IL19: variants seen among roughly 807,000 people sequenced by gnomAD.
IL19 encodes interleukin-19.
In IL19, 15 loss-of-function variants were observed where a neutral mutation model predicts 19.5. That is an observed-to-expected ratio of 0.77 (90% CI 0.52 to 1.19). The LOEUF (loss-of-function observed/expected upper bound fraction) is 1.19. Ranked by LOEUF, IL19 falls within the 50% of genes most tolerant of loss-of-function variation. IL19 has a pLI of 0.00. For missense variants in IL19, 199 were observed against 213.1 expected, an observed-to-expected ratio of 0.93 and a Z score of 0.41; for synonymous variants, 78 against 78.3, an observed-to-expected ratio of 1.00 and a Z score of 0.02.
intron 2 of IL19, among the ~76,000 whole-genome samples, chr1:206,808,099 G>A (rs1000255131): frequency 9.9e-5 from 15 of 152,238 alleles, no homozygotes; most frequent in Non-Finnish European, 2.2e-4. Flanking sequence ...GGGAGGCTGA[G>A]GCAGGCAGAT....
chr1:206,771,424 A>G, intron 1 of IL19: 1 of 1,601,582 alleles, frequency 6.2e-7, no homozygotes, highest in Admixed American at 1.7e-5. Context: ...TGCTGCAGGA[A>G]GAACAAAAGG....
At chr1:206,812,891 T>C (rs934095739) in intron 2 of IL19, among the ~76,000 whole-genome samples, 25 of 152,206 alleles carry the variant, frequency 1.6e-4, no homozygotes, top group African/African-American at 5.8e-4. Flanking sequence ...TGCAATTTGG[T>C]TTTTAGAAAA....
chr1:206,786,230 A>G (rs943876231), intron 1 of IL19, among the ~76,000 whole-genome samples: 1 of 152,242 alleles, frequency 6.6e-6, no homozygotes, highest in African/African-American at 2.4e-5. Context: ...CACGGTTTAT[A>G]GCAAGCACTC....
At chr1:206,797,001 C>A (rs1302132086) in intron 1 of IL19, among the ~76,000 whole-genome samples, 4 of 152,208 alleles carry the variant, frequency 2.6e-5, no homozygotes, top group Non-Finnish European at 4.4e-5. Flanking sequence ...AAAACCGGAT[C>A]ACAAAGCCTC....
intron 4 of IL19, among the ~76,000 whole-genome samples, chr1:206,838,775 C>T (rs1268568452): frequency 6.7e-6 from 1 of 148,840 alleles, no homozygotes; most frequent in Non-Finnish European, 1.5e-5. Context: ...CCTTCCCTTC[C>T]CTTCCCTTCC....
At chr1:206,808,133 C>A (rs1009770331) in intron 2 of IL19, among the ~76,000 whole-genome samples, 5 of 152,164 alleles carry the variant, frequency 3.3e-5, no homozygotes, top group Non-Finnish European at 7.4e-5. Flanking sequence ...GAGTTCAAGA[C>A]CAGCCTGGCC....
chr1:206,775,077 GT>G (rs1450702702), intron 1 of IL19, among the ~76,000 whole-genome samples: 1 of 150,784 alleles, frequency 6.6e-6, no homozygotes, highest in Non-Finnish European at 1.5e-5. Context: ...GTCTCGCTCT[GT>G]TGCCCAGGCT....
At chr1:206,841,458 C>CA (rs1677016588) in intron 6 of IL19, among the ~76,000 whole-genome samples, 1 of 152,228 alleles carries the variant, frequency 6.6e-6, no homozygotes, top group Non-Finnish European at 1.5e-5. Context: ...CCTGCCCCCC[C>CA]ATATTGTGTG....
intron 1 of IL19, among the ~76,000 whole-genome samples, chr1:206,773,773 A>G (rs1352649317): frequency 6.6e-6 from 1 of 152,174 alleles, no homozygotes; most frequent in Non-Finnish European, 1.5e-5. Flanking sequence ...TTCCCCTTCC[A>G]CAGGGGCTTT....
rs753179739 is a variant in IL19 at position 206,770,978 on chromosome 1, G to A, written c.-249G>A. 1 of 1,614,110 alleles carries A rather than the reference G, an allele frequency of 6.2e-7. No homozygotes were observed. The highest frequency in any genetic ancestry group is 1.1e-5 in the South Asian group (1 of 91,084). On this transcript the variant is annotated 5_prime_UTR_variant, in exon 1 of 7. An upstream open reading frame in the 5' UTR gains an earlier in-frame stop. Coordinates refer to ENST00000659997, the MANE Select transcript of IL19 (RefSeq NM_153758.5). ...GAGTTCACATGCGCCTTGATGTCTG[G>A]GTCTTGGTTCTCAGCTTGGGGCATC...
chr1:206,808,610 T>C (rs1235100362), intron 2 of IL19, among the ~76,000 whole-genome samples: 2 of 150,796 alleles, frequency 1.3e-5, no homozygotes, highest in Admixed American at 1.3e-4. Context: ...TGGAGTGAGG[T>C]GGGAGGGTGA....
At chr1:206,815,437 G>T (rs952049416) in intron 2 of IL19, among the ~76,000 whole-genome samples, 1 of 152,166 alleles carries the variant, frequency 6.6e-6, no homozygotes, top group Non-Finnish European at 1.5e-5. Flanking sequence ...TTTTACTCTT[G>T]AGAATTCCTA....
At chr1:206,784,880 G>A (rs917185605) in intron 1 of IL19, among the ~76,000 whole-genome samples, 6 of 152,262 alleles carry the variant, frequency 3.9e-5, no homozygotes, top group Admixed American at 1.3e-4. Flanking sequence ...ATGCCGAGGA[G>A]GAAGTGTTGT....
chr1:206,838,669 A>T (rs1438139686), intron 4 of IL19, among the ~76,000 whole-genome samples: 1 of 151,890 alleles, frequency 6.6e-6, no homozygotes, highest in East Asian at 1.9e-4. Context: ...TTCTCCTCTC[A>T]AGGTTGGGAA....
intron 2 of IL19, among the ~76,000 whole-genome samples, chr1:206,807,981 A>G (rs1400679595): frequency 6.6e-6 from 1 of 152,250 alleles, no homozygotes; most frequent in African/African-American, 2.4e-5. Context: ...CATATTTAAA[A>G]CAGTAAATAA....
At chr1:206,800,920 C>T (rs566932774) in intron 2 of IL19, among the ~76,000 whole-genome samples, 1 of 152,298 alleles carries the variant, frequency 6.6e-6, no homozygotes, top group African/African-American at 2.4e-5. Flanking sequence ...AGACCAACCA[C>T]CTCTGGCCAG....
chr1:206,812,542 A>C (rs1160934873), intron 2 of IL19, among the ~76,000 whole-genome samples: 2 of 152,220 alleles, frequency 1.3e-5, no homozygotes, highest in Non-Finnish European at 2.9e-5. Flanking sequence ...TCTGGAACCC[A>C]GTGGGATTTT....
chr1:206,841,772 C>T (rs1677026371), intron 6 of IL19, among the ~76,000 whole-genome samples: 1 of 152,160 alleles, frequency 6.6e-6, no homozygotes, highest in African/African-American at 2.4e-5. Context: ...TTACTATAAG[C>T]CAGGTATTGC....
chr1:206,814,330 C>G (rs551079985), intron 2 of IL19, among the ~76,000 whole-genome samples: 1 of 151,634 alleles, frequency 6.6e-6, no homozygotes, highest in East Asian at 1.9e-4. Context: ...CTTAGAAGAG[C>G]AGCAAGAGAA....
Sources: allele counts gnomAD v4.1 joint callset (sites outside exome capture counted in the v4.1 genomes callset), GRCh38; gene constraint gnomAD v4.1.1; transcripts MANE v1.5; gene names NCBI Gene and HGNC (gene_info 2026-07-23, HGNC 2026-07-21).